Variants in B3GALT1 observed in about 807,000 individuals in gnomAD.
B3GALT1 encodes beta-1,3-galactosyltransferase 1, also known as UDP-Gal:betaGlcNAc beta 1,3-galactosyltransferase, polypeptide 1.
B3GALT1 carries 10 observed loss-of-function variants against 23.2 expected under a neutral mutation model. The observed-to-expected ratio is 0.43, with a 90% CI of 0.27 to 0.73. The LOEUF (loss-of-function observed/expected upper bound fraction) is 0.73. B3GALT1 is among the 30% of genes least tolerant of loss of function. The probability of loss-of-function intolerance (pLI) is 0.21; values close to 1 mark genes in which losing one functional copy is unlikely to be tolerated. For synonymous variants in B3GALT1, 156 were observed against 141.5 expected (o/e 1.10, Z -0.73); for missense variants, 299 against 405.4 (o/e 0.74, Z 2.25).
At chr2:167,475,837 G>A (rs533794753) in intron 1 of B3GALT1, among the ~76,000 whole-genome samples, 1 of 152,220 alleles carries the variant, frequency 6.6e-6, no homozygotes, top group African/African-American at 2.4e-5. Context: ...AAGGCCATGA[G>A]GGAGAATATG....
At position 167,669,235 on chromosome 2, in the gene B3GALT1, T is replaced by C. The variant is rs1295952214; in HGVS notation, c.-352+22269T>C. 2.6e-5 allele frequency among the ~76,000 whole-genome samples: 4 copies of C among 152,244 alleles called. No homozygotes were observed. In the East Asian group the frequency reaches 7.7e-4, roughly 29 times the overall value. On this transcript the variant is annotated intron_variant, in intron 3 of 4. Transcript: ENST00000392690. ...ATAAGGGCTATTGATGTATACTTAT[T>C]GAATGGTTCCATAATAAGTTTCAGG...
At chr2:167,340,541 G>T (rs978343405) in intron 1 of B3GALT1, among the ~76,000 whole-genome samples, 1 of 152,042 alleles carries the variant, frequency 6.6e-6, no homozygotes, top group Admixed American at 6.6e-5. Context: ...TATTTACAAC[G>T]ATTTCCAAGG....
At chr2:167,627,857 A>G (rs1209205354) in intron 2 of B3GALT1, among the ~76,000 whole-genome samples, 2 of 151,570 alleles carry the variant, frequency 1.3e-5, no homozygotes, top group Non-Finnish European at 3.0e-5. Context: ...AGACTTTTTA[A>G]CCCATTATGA....
intron 1 of B3GALT1, among the ~76,000 whole-genome samples, chr2:167,357,310 A>G (rs927140839): frequency 6.6e-6 from 1 of 152,120 alleles, no homozygotes; most frequent in African/African-American, 2.4e-5. Context: ...TAATTAATTC[A>G]TATTGCAAAT....
intron 2 of B3GALT1, among the ~76,000 whole-genome samples, chr2:167,635,057 A>G (rs925909243): frequency 6.6e-6 from 1 of 152,170 alleles, no homozygotes; most frequent in African/African-American, 2.4e-5. Context: ...ATGCAAATCA[A>G]TAAACGTAAT....
chr2:167,608,304 G>T (rs555518860), intron 2 of B3GALT1, among the ~76,000 whole-genome samples: 1 of 152,062 alleles, frequency 6.6e-6, no homozygotes, highest in Non-Finnish European at 1.5e-5. Flanking sequence ...TCTGTCCCAC[G>T]GGAGGCATTT....
At chr2:167,349,335 A>G (rs747988357) in intron 1 of B3GALT1, among the ~76,000 whole-genome samples, 9 of 152,120 alleles carry the variant, frequency 5.9e-5, no homozygotes, top group Non-Finnish European at 1.2e-4. Context: ...GTCTGTTATC[A>G]AATCTGTTGC....
chr2:167,716,220 G>A (rs578079154), intron 3 of B3GALT1, among the ~76,000 whole-genome samples: 1 of 152,296 alleles, frequency 6.6e-6, no homozygotes, highest in Non-Finnish European at 1.5e-5. Flanking sequence ...GGGGAATGCG[G>A]GCACCCCCCA....
chr2:167,747,787 A>G (rs1296051289), intron 3 of B3GALT1, among the ~76,000 whole-genome samples: 1 of 152,240 alleles, frequency 6.6e-6, no homozygotes, highest in South Asian at 2.1e-4. Flanking sequence ...GTAGATGATC[A>G]AAAGTATGAA....
chr2:167,656,226 C>G (rs1685953810), intron 3 of B3GALT1, among the ~76,000 whole-genome samples: 2 of 152,140 alleles, frequency 1.3e-5, no homozygotes, highest in African/African-American at 4.8e-5. Context: ...AGAGTGCCCT[C>G]CCACTCTCCC....
At chr2:167,700,790 A>G (rs532216986) in intron 3 of B3GALT1, among the ~76,000 whole-genome samples, 2 of 152,284 alleles carry the variant, frequency 1.3e-5, no homozygotes, top group East Asian at 3.9e-4. Flanking sequence ...CACAGGCTCA[A>G]TCAGATAGCA....
At chr2:167,490,061 A>G (rs1699684488) in intron 1 of B3GALT1, 116 bp from the exon 2 acceptor site, 1 of 152,222 alleles carries the variant, frequency 6.6e-6, no homozygotes, top group African/African-American at 2.4e-5. Flanking sequence ...AATTTGATGT[A>G]AGATATGTGG....
intron 3 of B3GALT1, among the ~76,000 whole-genome samples, chr2:167,720,806 A>G (rs546354962): frequency 1.3e-5 from 2 of 152,256 alleles, no homozygotes; most frequent in East Asian, 3.9e-4. Context: ...GGTTTGGTTA[A>G]TTGTTTACTG....
At chr2:167,341,863 A>G (rs1023708150) in intron 1 of B3GALT1, among the ~76,000 whole-genome samples, 2 of 152,192 alleles carry the variant, frequency 1.3e-5, no homozygotes, top group Non-Finnish European at 2.9e-5. Context: ...TATTCATTCA[A>G]ATTACTTGGA....
At chr2:167,612,592 A>G (rs1271568100) in intron 2 of B3GALT1, among the ~76,000 whole-genome samples, 1 of 151,858 alleles carries the variant, frequency 6.6e-6, no homozygotes, top group South Asian at 2.1e-4. Context: ...TTGAAATCTG[A>G]TATTTAAAAT....
At chr2:167,701,092 A>G (rs1328365730) in intron 3 of B3GALT1, among the ~76,000 whole-genome samples, 1 of 152,190 alleles carries the variant, frequency 6.6e-6, no homozygotes, top group East Asian at 1.9e-4. Context: ...TTATTTTACA[A>G]AAGACAAAAA....
Position 167,653,891 on chromosome 2 carries a change from A to G in B3GALT1, c.-352+6925A>G, listed in dbSNP as rs1160963225. Among the ~76,000 whole-genome samples, 12 of 152,278 alleles carry G rather than the reference A, an allele frequency of 7.9e-5. 1 individual carries two copies. The South Asian group carries it at 2.5e-3, about 32-fold the overall frequency. On this transcript the variant is annotated intron_variant, in intron 3 of 4. Transcript: ENST00000392690. Reference sequence around the variant, plus strand: ...GCAGCCATCCAAGGTCCCACCATGCATTCTTCAGTCTTATGAGTTATTTTT... The same window carrying G: ...GCAGCCATCCAAGGTCCCACCATGCGTTCTTCAGTCTTATGAGTTATTTTT...
intron 3 of B3GALT1, among the ~76,000 whole-genome samples, chr2:167,801,862 T>A (rs1275783616): frequency 6.6e-6 from 1 of 152,212 alleles, no homozygotes; most frequent in East Asian, 1.9e-4. Flanking sequence ...TGCTACAGCC[T>A]CTCAAGTTTA....
intron 4 of B3GALT1, among the ~76,000 whole-genome samples, chr2:167,846,981 T>G (rs1040723655): frequency 6.6e-6 from 1 of 152,088 alleles, no homozygotes; most frequent in Non-Finnish European, 1.5e-5. Flanking sequence ...AAACAAACAT[T>G]AAAGCAACAG....
Sources: allele counts gnomAD v4.1 joint callset (sites outside exome capture counted in the v4.1 genomes callset), GRCh38; gene constraint gnomAD v4.1.1; transcripts MANE v1.5; gene names NCBI Gene and HGNC (gene_info 2026-07-23, HGNC 2026-07-21).